The following SLC8A1 variants were observed in gnomAD, a reference collection of about 807,000 sequenced individuals.
SLC8A1 encodes the protein solute carrier family 8 member A1.
A neutral mutation model predicts 68.3 loss-of-function variants in SLC8A1; 18 were observed. That is an observed-to-expected ratio of 0.26 (90% CI 0.18 to 0.39). SLC8A1 has a LOEUF of 0.39. Ranked by LOEUF, SLC8A1 falls within the 10% of genes least tolerant of loss-of-function variation. The probability of loss-of-function intolerance (pLI) is 1.00; values close to 1 mark genes in which losing one functional copy is unlikely to be tolerated. For synonymous variants in SLC8A1, 475 were observed against 415.5 expected, an observed-to-expected ratio of 1.14 and a Z score of -1.74; for missense variants, 985 against 1,156.7, an observed-to-expected ratio of 0.85 and a Z score of 2.15.
chr2:40,504,156 C>T lies in SLC8A1; in HGVS notation c.-25+8193G>A, dbSNP rs193169450. ...AGAACCCAGAAACAAATCCACACAC[C>T]TATAGATAGTGAACTCAGTTTTACA... On this transcript the variant is annotated intron_variant, in intron 1 of 7. Coordinates refer to the SLC8A1 transcript ENST00000402441. 2.6e-5 allele frequency among the ~76,000 whole-genome samples: 4 copies of T among 152,042 alleles called. No homozygotes were observed. In the East Asian group the frequency reaches 7.7e-4, roughly 29 times the overall value.
At chr2:40,177,805 C>T (rs2048742773) in exon 3 of SLC8A1, 1 of 1,551,260 alleles carries the variant, frequency 6.4e-7, no homozygotes, top group South Asian at 1.2e-5. Flanking sequence ...GGAGAAACTG[C>T]ACTCTTTCTC....
chr2:40,390,137 A>G (rs1324022107), intron 2 of SLC8A1, among the ~76,000 whole-genome samples: 1 of 152,122 alleles, frequency 6.6e-6, no homozygotes, highest in Non-Finnish European at 1.5e-5. Flanking sequence ...TACACAACCT[A>G]GTCACTGTAG....
chr2:40,104,390 A>C (rs1410796833), exon 8 of SLC8A1: 1 of 152,242 alleles, frequency 6.6e-6, no homozygotes, highest in African/African-American at 2.4e-5. Flanking sequence ...CCCTATATCA[A>C]ACTTACACAG....
chr2:40,176,807 A>G (rs1227037928), intron 3 of SLC8A1, among the ~76,000 whole-genome samples: 1 of 152,198 alleles, frequency 6.6e-6, no homozygotes, highest in Non-Finnish European at 1.5e-5. Flanking sequence ...GTTTGTATGC[A>G]ACTAATAAGA....
chr2:40,401,022 G>A (rs1375056859), intron 2 of SLC8A1, among the ~76,000 whole-genome samples: 1 of 152,160 alleles, frequency 6.6e-6, no homozygotes, highest in Non-Finnish European at 1.5e-5. Context: ...TTTGCATGGT[G>A]TTTTACAGTT....
chr2:40,287,246 A>T (rs924908427), intron 2 of SLC8A1, among the ~76,000 whole-genome samples: 2 of 152,206 alleles, frequency 1.3e-5, no homozygotes, highest in African/African-American at 4.8e-5. Context: ...GACAAACACA[A>T]ATATAATAAT....
chr2:40,353,087 G>A (rs532897284), intron 2 of SLC8A1, among the ~76,000 whole-genome samples: 1 of 152,240 alleles, frequency 6.6e-6, no homozygotes, highest in African/African-American at 2.4e-5. Context: ...CTTACTCCTT[G>A]TGCACCTATA....
intron 2 of SLC8A1, among the ~76,000 whole-genome samples, chr2:40,286,056 C>G (rs1051943878): frequency 2.6e-5 from 4 of 152,144 alleles, no homozygotes; most frequent in Non-Finnish European, 4.4e-5. Context: ...GGCTGGTTCT[C>G]TGTGCTAGTT....
At position 40,161,837 on chromosome 2, in the gene SLC8A1, C is replaced by G. The variant is rs141726871; in HGVS notation, c.2062-973G>C. ...AGCATCCTTGAATTTCCACTAATTGCAAAGAGGCAGAAAACACATTATTTG... is the reference window on the plus strand; with the variant it reads ...AGCATCCTTGAATTTCCACTAATTGGAAAGAGGCAGAAAACACATTATTTG... On this transcript the variant is annotated intron_variant, in intron 5 of 7. Transcript: ENST00000406785. Among the ~76,000 whole-genome samples, 574 of 152,260 alleles carry G rather than the reference C, an allele frequency of 3.8e-3. 3 individuals carry two copies. Among genetic ancestry groups the G allele is most frequent in the African/African-American group, 0.013 (530 of 41,556 alleles).
At chr2:40,457,551 T>G (rs942313438) in intron 1 of SLC8A1, among the ~76,000 whole-genome samples, 2 of 152,216 alleles carry the variant, frequency 1.3e-5, no homozygotes, top group Non-Finnish European at 2.9e-5. Flanking sequence ...ATGATTTTAA[T>G]GATGCTGATT....
chr2:40,251,290 C>T (rs75301540), intron 2 of SLC8A1: 4 of 152,084 alleles, frequency 2.6e-5, no homozygotes, highest in East Asian at 3.9e-4. Context: ...TCAACCTCTA[C>T]GTTATGTTGC....
chr2:40,220,096 TG>T (rs1388010363), intron 2 of SLC8A1: 1 of 151,740 alleles, frequency 6.6e-6, no homozygotes, highest in East Asian at 1.9e-4. Context: ...ACCTTTCAAC[TG>T]GCTAGCAATG....
At chr2:40,258,364 G>A (rs144900976) in intron 2 of SLC8A1, among the ~76,000 whole-genome samples, 7 of 152,258 alleles carry the variant, frequency 4.6e-5, no homozygotes, top group South Asian at 2.1e-4. Flanking sequence ...ACCTTCAGAC[G>A]TCAAAATGAA....
intron 4 of SLC8A1, among the ~76,000 whole-genome samples, chr2:40,165,930 C>G (rs1360493001): frequency 6.6e-6 from 1 of 152,200 alleles, no homozygotes; most frequent in African/African-American, 2.4e-5. Flanking sequence ...AATGCTGAAA[C>G]AAGACAAGCT....
chr2:40,320,059 G>C (rs2075000770), intron 2 of SLC8A1, among the ~76,000 whole-genome samples: 1 of 151,982 alleles, frequency 6.6e-6, no homozygotes, highest in Admixed American at 6.6e-5. Flanking sequence ...TAAGAGATGG[G>C]ACTCAATAAA....
At chr2:40,305,580 T>C (rs1184641089) in intron 2 of SLC8A1, among the ~76,000 whole-genome samples, 1 of 152,186 alleles carries the variant, frequency 6.6e-6, no homozygotes, top group Admixed American at 6.5e-5. Context: ...TGATAAGCAT[T>C]TGACACAGTG....
chr2:40,420,896 T>C (rs1015990017), intron 2 of SLC8A1, among the ~76,000 whole-genome samples: 2 of 152,196 alleles, frequency 1.3e-5, no homozygotes, highest in Non-Finnish European at 2.9e-5. Context: ...ATCCACCCTT[T>C]ATTAGCTGTG....
chr2:40,332,477 C>T (rs547047728), intron 2 of SLC8A1, among the ~76,000 whole-genome samples: 8 of 152,210 alleles, frequency 5.3e-5, no homozygotes, highest in Admixed American at 3.3e-4. Context: ...ATCTTTATCC[C>T]GTGAGTTCAT....
At chr2:40,415,911 C>CACACAT (rs1330351002) in intron 2 of SLC8A1, among the ~76,000 whole-genome samples, 2 of 133,690 alleles carry the variant, frequency 1.5e-5, no homozygotes, top group South Asian at 2.5e-4. Flanking sequence ...CACACACACA[C>CACACAT]ATTAGCTGGG....
Sources: allele counts gnomAD v4.1 joint callset (sites outside exome capture counted in the v4.1 genomes callset), GRCh38; gene constraint gnomAD v4.1.1; transcripts MANE v1.5; gene names NCBI Gene and HGNC (gene_info 2026-07-23, HGNC 2026-07-21).